Variants in SAXO1 observed in about 807,000 individuals in gnomAD.
SAXO1 encodes the protein 4930500O09Rik.
In SAXO1, 21 loss-of-function variants were observed where a neutral mutation model predicts 17.5. The ratio of observed to expected loss-of-function variants is 1.20; its 90% CI spans 0.85 to 1.72. SAXO1 has a LOEUF of 1.72. Ranked by LOEUF, SAXO1 falls within the 40% of genes most tolerant of loss-of-function variation. SAXO1 has a pLI of 0.00. For synonymous variants in SAXO1, 274 were observed against 216.5 expected, an observed-to-expected ratio of 1.27 and a Z score of -2.33; for missense variants, 843 against 596.0, an observed-to-expected ratio of 1.41 and a Z score of -4.32.
At chr9:18,974,700 G>T (rs6475297) in intron 1 of SAXO1, among the ~76,000 whole-genome samples, 5,202 of 152,160 alleles carry the variant, frequency 0.034, 290 homozygotes, top group African/African-American at 0.12. Context: ...TACATACTGA[G>T]ATATATATAT....
intron 1 of SAXO1, among the ~76,000 whole-genome samples, chr9:18,969,129 C>T (rs996022933): frequency 5.3e-5 from 8 of 152,106 alleles, no homozygotes; most frequent in South Asian, 4.2e-4. Flanking sequence ...ATGAAACAAG[C>T]GCGTATCTGC....
chr9:18,969,504 G>C (rs979267379), intron 1 of SAXO1, among the ~76,000 whole-genome samples: 8 of 152,174 alleles, frequency 5.3e-5, no homozygotes, highest in Admixed American at 2.6e-4. Flanking sequence ...AACTGTTCAT[G>C]ACCCACTATC....
At chr9:19,019,394 A>G (rs1835129822) in intron 1 of SAXO1, among the ~76,000 whole-genome samples, 1 of 152,168 alleles carries the variant, frequency 6.6e-6, no homozygotes, top group South Asian at 2.1e-4. Flanking sequence ...AGCCCTTTCC[A>G]TAGCATCTCA....
intron 1 of SAXO1, among the ~76,000 whole-genome samples, chr9:18,963,617 G>T (rs7038785): frequency 0.18 from 26,871 of 152,118 alleles, 5,140 homozygotes; most frequent in African/African-American, 0.48. Context: ...GTATAGAAAT[G>T]CTTGTGGGTT....
intron 1 of SAXO1, among the ~76,000 whole-genome samples, chr9:18,978,886 C>T (rs138637983): frequency 6.6e-6 from 1 of 152,324 alleles, no homozygotes; most frequent in African/African-American, 2.4e-5. Context: ...CCCACTTTCT[C>T]ATGGACCTGA....
chr9:19,035,049 T>C (rs1835900333), upstream of SAXO1, among the ~76,000 whole-genome samples: 1 of 152,278 alleles, frequency 6.6e-6, no homozygotes, highest in South Asian at 2.1e-4. Flanking sequence ...TCAACAATGA[T>C]ATACCTAAAG....
intron 2 of SAXO1, among the ~76,000 whole-genome samples, chr9:18,948,776 C>A (rs1007862180): frequency 1.9e-4 from 29 of 152,160 alleles, no homozygotes; most frequent in Admixed American, 3.3e-4. Flanking sequence ...AACCAACCTT[C>A]AAAGCATCCC....
At chr9:19,037,721 C>G (rs1835977653), upstream of SAXO1, among the ~76,000 whole-genome samples, 1 of 152,170 alleles carries the variant, frequency 6.6e-6, no homozygotes, top group South Asian at 2.1e-4. Context: ...ACCATCTAAA[C>G]TTCCCTAACC....
chr9:19,026,717 G>C (rs1835487198), intron 1 of SAXO1, among the ~76,000 whole-genome samples: 1 of 152,194 alleles, frequency 6.6e-6, no homozygotes, highest in African/African-American at 2.4e-5. Flanking sequence ...ATACTGTAAA[G>C]ATGGAAGGTG....
At chr9:18,929,100 C>G in intron 3 of SAXO1, 45 bp from the exon 4 acceptor site, 1 of 1,592,272 alleles carries the variant, frequency 6.3e-7, no homozygotes, top group Non-Finnish European at 8.6e-7. Context: ...ATCAAGTCAA[C>G]CAACTTGCAT....
Position 18,975,562 on chromosome 9 carries a change from A to G in SAXO1, c.39-24625T>C, listed in dbSNP as rs59981039. On this transcript the variant is annotated intron_variant, in intron 1 of 3. Transcript: ENST00000380534. ...GGCAGTTATGATTTGCACTTGTGTA[A>G]CAAAGCTAGACCCTGATATCAGTGT... Among the ~76,000 whole-genome samples the G allele has an allele frequency of 9.5e-3, 1,454 of 152,324 alleles. 22 individuals are homozygous for G. Among genetic ancestry groups the G allele is most frequent in the African/African-American group, 0.033 (1,356 of 41,558 alleles).
intron 1 of SAXO1, among the ~76,000 whole-genome samples, chr9:18,978,803 G>T (rs1666489512): frequency 1.3e-5 from 2 of 152,108 alleles, no homozygotes; most frequent in South Asian, 2.1e-4. Context: ...TAAATAATTT[G>T]CCCAAGAGCC....
At chr9:18,960,675 T>C (rs1832447672) in intron 1 of SAXO1, among the ~76,000 whole-genome samples, 3 of 152,000 alleles carry the variant, frequency 2.0e-5, no homozygotes, top group Non-Finnish European at 4.4e-5. Flanking sequence ...CCCAGCTACT[T>C]GGGAAGCTAA....
intron 3 of SAXO1, among the ~76,000 whole-genome samples, chr9:18,929,405 T>C (rs1830937140): frequency 6.6e-6 from 1 of 152,202 alleles, no homozygotes; most frequent in Admixed American, 6.5e-5. Flanking sequence ...GTGGAGAAGG[T>C]ACTTTCTCTG....
chr9:18,961,431 T>G lies in SAXO1; in HGVS notation c.39-10494A>C, dbSNP rs530438933. Among the ~76,000 whole-genome samples, 56 of 152,338 alleles carry G rather than the reference T, an allele frequency of 3.7e-4. No homozygotes were observed. In the South Asian group the frequency reaches 0.011, roughly 31 times the overall value. On this transcript the variant is annotated intron_variant, in intron 1 of 3. Transcript: ENST00000380534. ...GTATACATGTGCCATGGTGGTTTGC[T>G]GTACCTATCAACCCATCATCTACGT...
intron 1 of SAXO1, among the ~76,000 whole-genome samples, chr9:19,028,939 T>G (rs1014588541): frequency 3.9e-5 from 6 of 152,244 alleles, no homozygotes; most frequent in Non-Finnish European, 1.5e-5. Flanking sequence ...AAGATAAATC[T>G]ATTTAAAAAT....
intron 1 of SAXO1, among the ~76,000 whole-genome samples, chr9:19,023,662 T>A (rs192388495): frequency 6.6e-6 from 1 of 152,146 alleles, no homozygotes. Flanking sequence ...AAGAATGGAA[T>A]GGAGATAATA....
chr9:19,032,897 C>T lies in SAXO1; in HGVS notation c.12G>A (p.Lys4=), dbSNP rs373442509. The change falls in exon 1 of 4, where the codon AAG becomes AAA. Residue 4 remains lysine (K), a synonymous_variant. Transcript: ENST00000380534. ...CGCAGGAGCACAGTTCACAGATGCA[C>T]TTCGTCTTCATAGGGGCGATCCTGA... MKT[K]CICELCSCGR... is the part of the protein sequence containing the mutation. 4 of 1,610,620 alleles carry T rather than the reference C, an allele frequency of 2.5e-6. No individual in the cohort carries two copies. The African/African-American group carries it at 4.0e-5, about 16-fold the overall frequency.
In SAXO1 at chr9:18,927,751, T is replaced by A; in HGVS notation, c.*301A>T. On this transcript the variant is annotated 3_prime_UTR_variant, in exon 4 of 4. Transcript: ENST00000380534. ...TCATACAATGATTAAATTAATAAAA[T>A]ACATCTGGATCAGAGAAACCCTCAC... 3.3e-6 allele frequency: 1 copy of A among 301,642 alleles called. No homozygotes were observed. Among genetic ancestry groups the A allele is most frequent in the Non-Finnish European group, 6.1e-6 (1 of 163,624 alleles). The allele number at this position is 301,642 out of a possible 1,614,324, so 18.7% of individuals were successfully genotyped here. A position where few individuals can be genotyped will look rare whatever the true frequency, so the allele number is the denominator to read the frequency against.
Sources: allele counts gnomAD v4.1 joint callset (sites outside exome capture counted in the v4.1 genomes callset), GRCh38; gene constraint gnomAD v4.1.1; transcripts MANE v1.5; gene names NCBI Gene and HGNC (gene_info 2026-07-23, HGNC 2026-07-21).